Variants in SRL observed in about 807,000 individuals in gnomAD.
SRL encodes the protein sarcalumenin.
In SRL, 23 loss-of-function variants were observed where a neutral mutation model predicts 39.5. The observed-to-expected ratio is 0.58, with a 90% CI of 0.42 to 0.82. SRL has a LOEUF of 0.82. Ranked by LOEUF, SRL falls within the 40% of genes least tolerant of loss-of-function variation. The pLI is 0.00. For synonymous variants in SRL, 272 were observed against 237.4 expected, an observed-to-expected ratio of 1.15 and a Z score of -1.34; for missense variants, 592 against 607.8, an observed-to-expected ratio of 0.97 and a Z score of 0.27.
Position 4,192,005 on chromosome 16 carries a change from C to T in SRL, c.*148G>A. ...TCTCCTCCCTAGACCCACACACCTGCCCCGACCCCTGGCCTCAATGAACTC... is the reference window on the plus strand; with the variant it reads ...TCTCCTCCCTAGACCCACACACCTGTCCCGACCCCTGGCCTCAATGAACTC... On this transcript the variant is annotated 3_prime_UTR_variant, in exon 6 of 6. Transcript: ENST00000399609. This position sits in a 1 kb window ranked among gnomAD's most constrained non-coding sequence, Gnocchi z 4.0. 1.2e-6 allele frequency: 1 copy of T among 848,540 alleles called. No individual in the cohort carries two copies. The highest frequency in any genetic ancestry group is 1.8e-6 in the Non-Finnish European group (1 of 543,838). 52.6% of individuals were successfully genotyped at this position (848,540 alleles called of 1,614,324 possible).
intron 4 of SRL, among the ~76,000 whole-genome samples, chr16:4,197,133 A>T (rs2052160182): frequency 8.0e-6 from 1 of 125,738 alleles, no homozygotes; most frequent in African/African-American, 3.1e-5. Context: ...CAGTGGCGCG[A>T]TTTTGGCTCA....
At position 4,192,558 on chromosome 16, in the gene SRL, C is replaced by A; in HGVS notation, c.1017G>T (p.Arg339=). ...KIAFIRQHAI[R]VRIHALLVDR... is the part of the protein sequence containing the mutation. ...CAACCAGGAGGGCGTGGATGCGGACCCGGATGGCGTGCTGGCGGATGAAGG... is the reference window on the plus strand; with the variant it reads ...CAACCAGGAGGGCGTGGATGCGGACACGGATGGCGTGCTGGCGGATGAAGG... Residue 339 remains arginine (R), a synonymous_variant, in exon 6 of 6, where the codon CGG becomes CGT. Coordinates refer to ENST00000399609, the MANE Select transcript of SRL (RefSeq NM_001098814.2). This position sits in a 1 kb window ranked among gnomAD's most constrained non-coding sequence, Gnocchi z 4.0. The A allele has an allele frequency of 6.2e-7, 1 of 1,614,104 alleles. No homozygotes were observed. The highest frequency in any genetic ancestry group is 8.5e-7 in the Non-Finnish European group (1 of 1,180,032).
Position 4,203,223 on chromosome 16 carries a change from T to C in SRL, c.202A>G (p.Ile68Val), listed in dbSNP as rs1370700577. The C allele has an allele frequency of 2.0e-5, 32 of 1,614,082 alleles. No individual in the cohort carries two copies. The highest frequency in any genetic ancestry group is 2.5e-5 in the Non-Finnish European group (29 of 1,180,026). ...QRLRKIYHSS[I>V]KPLEQSYKYN... is the part of the protein sequence containing the mutation. Reference sequence around the variant, plus strand: ...TTGTAGGACTGCTCCAGAGGCTTGATGGATGAGTGGTAGATCTTCCGAAGC... The same window carrying C: ...TTGTAGGACTGCTCCAGAGGCTTGACGGATGAGTGGTAGATCTTCCGAAGC... The change falls in exon 3 of 6, where the codon ATC becomes GTC. Residue 68 changes from isoleucine (I) to valine (V), a missense_variant. Coordinates refer to ENST00000399609, the MANE Select transcript of SRL (RefSeq NM_001098814.2).
chr16:4,202,061 G>C (rs1324187768), intron 3 of SRL, among the ~76,000 whole-genome samples: 1 of 152,174 alleles, frequency 6.6e-6, no homozygotes. Context: ...AAAGTACTGA[G>C]ATTACAGGCG....
At chr16:4,205,762 T>C (rs950886700) in intron 1 of SRL, among the ~76,000 whole-genome samples, 2 of 151,884 alleles carry the variant, frequency 1.3e-5, no homozygotes, top group African/African-American at 2.4e-5. Flanking sequence ...CCAAGAGCAA[T>C]GGGAGCCAGT....
rs192806141 is a variant in SRL, at chr16:4,210,486, C to T, written c.62-5852G>A. Among the ~76,000 whole-genome samples the T allele has an allele frequency of 1.1e-3, 113 of 103,980 alleles. 1 individual carries two copies. The highest frequency in any genetic ancestry group is 2.0e-3 in the African/African-American group (49 of 24,432). 68.2% of individuals were successfully genotyped at this position (103,980 alleles called of 152,430 possible). On this transcript the variant is annotated intron_variant, in intron 1 of 5. Coordinates refer to ENST00000399609, the MANE Select transcript of SRL (RefSeq NM_001098814.2). ...TTGGTAAAATGAGTATTACTCATAT[C>T]TTTTTTTTTTTTTTTTTTTTTGAGA...
At chr16:4,213,404 C>CTTTTTTTTTT (rs1176583909) in intron 1 of SRL, among the ~76,000 whole-genome samples, 21 of 69,584 alleles carry the variant, frequency 3.0e-4, no homozygotes, top group African/African-American at 7.4e-4. Context: ...TTTTCTTTTT[C>CTTTTTTTTTT]TTTTTTTTTT....
rs527544983 is a variant in SRL at position 4,206,453 on chromosome 16, G to A, written c.62-1819C>T. The stretch of plus-strand genomic sequence containing the variant: ...CGCTGCTCCTTTAGGCTGAGGCACT[G>A]GCATGGGCTACGGCGCATCAGGGAC... On this transcript the variant is annotated intron_variant, in intron 1 of 5. Coordinates refer to ENST00000399609, the MANE Select transcript of SRL (RefSeq NM_001098814.2). Among the ~76,000 whole-genome samples the A allele has an allele frequency of 1.3e-5, 2 of 152,278 alleles. 1 individual carries two copies. The highest frequency in any genetic ancestry group is 4.1e-4 in the South Asian group (2 of 4,830).
intron 1 of SRL, among the ~76,000 whole-genome samples, chr16:4,228,923 G>A (rs571741207): frequency 8.0e-4 from 122 of 152,162 alleles, no homozygotes; most frequent in African/African-American, 2.2e-3. Flanking sequence ...CACCCACAGC[G>A]AGAAGACACA....
intron 1 of SRL, among the ~76,000 whole-genome samples, chr16:4,228,413 G>A (rs966112076): frequency 6.6e-6 from 1 of 152,100 alleles, no homozygotes; most frequent in African/African-American, 2.4e-5. Flanking sequence ...TCCAACCCGG[G>A]CGACAGAGCG....
intron 1 of SRL, among the ~76,000 whole-genome samples, chr16:4,237,659 C>T (rs2052727135): frequency 6.6e-6 from 1 of 152,110 alleles, no homozygotes; most frequent in African/African-American, 2.4e-5. Flanking sequence ...ATCTGCCCGC[C>T]TTCATGCAAG....
At chr16:4,216,421 G>A (rs1173664195) in intron 1 of SRL, among the ~76,000 whole-genome samples, 2 of 151,910 alleles carry the variant, frequency 1.3e-5, no homozygotes, top group Non-Finnish European at 2.9e-5. Context: ...ACAAGTGCAC[G>A]CAACCACACT....
intron 1 of SRL, chr16:4,239,544 C>T (rs1022217605): frequency 7.2e-5 from 11 of 152,370 alleles, no homozygotes; most frequent in African/African-American, 2.4e-4. Context: ...TCCAGGGAAA[C>T]CAAAAGCATA....
chr16:4,213,398 C>CTTTTT (rs2052416720), intron 1 of SRL, among the ~76,000 whole-genome samples: 2 of 96,296 alleles, frequency 2.1e-5, no homozygotes, highest in Admixed American at 9.7e-5. Context: ...TTTTCTTTTT[C>CTTTTT]TTTTTCTTTT....
intron 3 of SRL, among the ~76,000 whole-genome samples, chr16:4,199,497 A>G (rs1204539418): frequency 1.3e-5 from 2 of 149,182 alleles, no homozygotes; most frequent in African/African-American, 4.9e-5. Flanking sequence ...CAGCCTCCTG[A>G]GTAGCTGAGA....
At chr16:4,240,412 C>A (rs570571212) in intron 1 of SRL, among the ~76,000 whole-genome samples, 85 of 152,206 alleles carry the variant, frequency 5.6e-4, no homozygotes, top group Non-Finnish European at 6.3e-4. Context: ...GGTATACAGT[C>A]CACAGTGGGG....
intron 5 of SRL, among the ~76,000 whole-genome samples, chr16:4,193,760 GA>G (rs2052097976): frequency 6.6e-6 from 1 of 151,306 alleles, no homozygotes; most frequent in Non-Finnish European, 1.5e-5. Flanking sequence ...TTGCAAATAA[GA>G]AAACTGAGGA....
At chr16:4,205,904 C>G (rs965702059) in intron 1 of SRL, among the ~76,000 whole-genome samples, 1 of 150,982 alleles carries the variant, frequency 6.6e-6, no homozygotes, top group African/African-American at 2.4e-5. Context: ...TATGACTGCA[C>G]GACTGCAGCC....
At position 4,207,262 on chromosome 16, in the gene SRL, C is replaced by G. The variant is rs905835945; in HGVS notation, c.62-2628G>C. The G allele has an allele frequency of 3.9e-5, 18 of 457,048 alleles. No homozygotes were observed. In the Admixed American group the frequency reaches 4.0e-4, roughly 10 times the overall value. 28.3% of individuals were successfully genotyped at this position (457,048 alleles called of 1,614,324 possible). On this transcript the variant is annotated intron_variant, in intron 1 of 5. Transcript: ENST00000399609. ...TCAGAGGAGGCTTCATCTGCGTCCT[C>G]CTCAGTCATCTCTGGGGACTGGTTC...
Sources: allele counts gnomAD v4.1 joint callset (sites outside exome capture counted in the v4.1 genomes callset), GRCh38; gene constraint gnomAD v4.1.1; non-coding constraint Gnocchi (gnomAD v3.1); transcripts MANE v1.5; gene names NCBI Gene and HGNC (gene_info 2026-07-23, HGNC 2026-07-21).